TRIOBP: variants seen among roughly 807,000 people sequenced by gnomAD.
The protein encoded by TRIOBP is TRIO and F-actin-binding protein.
In TRIOBP, 169 loss-of-function variants were observed where a neutral mutation model predicts 238.8. The observed-to-expected ratio is 0.71, with a 90% CI of 0.62 to 0.80. The LOEUF is 0.80. Among genes scored for constraint, TRIOBP ranks in the 30% least tolerant of loss-of-function variants. The pLI is 0.00. For missense variants in TRIOBP, 2,838 were observed against 3,122.6 expected, an observed-to-expected ratio of 0.91 and a Z score of 2.17; for synonymous variants, 1,150 against 1,274.4, an observed-to-expected ratio of 0.90 and a Z score of 2.08.
chr22:37,772,580 T>G (rs755440115), intron 22 of TRIOBP, 21 bp from the exon 23 acceptor site: 2 of 1,613,864 alleles, frequency 1.2e-6, no homozygotes, highest in East Asian at 4.5e-5. Context: ...CATGCCCTCA[T>G]ACCTGCCTCC....
At chr22:37,768,979 G>T (rs1357629367) in intron 19 of TRIOBP, 49 bp from the exon 20 acceptor site, 2 of 1,612,004 alleles carry the variant, frequency 1.2e-6, no homozygotes, top group Non-Finnish European at 1.7e-6. Context: ...CTCCAGGCTT[G>T]GCAGGAGCAA....
chr22:37,739,300 G>A (rs1924827035), intron 10 of TRIOBP, among the ~76,000 whole-genome samples: 1 of 152,208 alleles, frequency 6.6e-6, no homozygotes, highest in Non-Finnish European at 1.5e-5. Context: ...GGTGAGATCA[G>A]AGTTGAGGGC....
At chr22:37,697,942 G>A (rs903644154) in intron 2 of TRIOBP, among the ~76,000 whole-genome samples, 3 of 152,098 alleles carry the variant, frequency 2.0e-5, no homozygotes, top group African/African-American at 7.2e-5. Flanking sequence ...GCTCAAGCCT[G>A]TAATCCCAGC....
chr22:37,739,126 G>A, intron 10 of TRIOBP, among the ~76,000 whole-genome samples: 1 of 152,154 alleles, frequency 6.6e-6, no homozygotes, highest in Non-Finnish European at 1.5e-5. Context: ...CAGTCAGCCA[G>A]GCCTGGAGGG....
chr22:37,724,387 T>A lies in TRIOBP; in HGVS notation c.1831T>A (p.Ser611Thr), dbSNP rs1202731761. The change falls in exon 7 of 24, where the codon TCC becomes ACC. Residue 611 changes from serine (S) to threonine (T), a missense_variant. Physicochemically the swap from Ser to Thr is moderately conservative, Grantham distance 58 (BLOSUM62 1). Transcript: ENST00000644935. ...SCAQRDNPRA[S>T]RTSSPNRATR... ...TGCCCAGCGGGACAATCCCAGAGCC[T>A]CCAGAACCTCCTCTCCCAATAGAGC... 4 of 1,474,896 alleles carry A rather than the reference T, an allele frequency of 2.7e-6. No homozygotes were observed. Among genetic ancestry groups the A allele is most frequent in the Non-Finnish European group, 3.6e-6 (4 of 1,107,832 alleles). The allele number at this position is 1,474,896 out of a possible 1,614,324, so 91.4% of individuals were successfully genotyped here.
chr22:37,722,198 A>G (rs1336343642), intron 6 of TRIOBP, among the ~76,000 whole-genome samples: 2 of 50,624 alleles, frequency 4.0e-5, no homozygotes, highest in Non-Finnish European at 1.6e-4. Flanking sequence ...GAACATTTGG[A>G]TACAAAAAAA....
At position 37,734,575 on chromosome 22, in the gene TRIOBP, G is replaced by A; in HGVS notation, c.4239G>A (p.Leu1413=). The A allele has an allele frequency of 6.3e-7, 1 of 1,584,486 alleles. No individual in the cohort carries two copies. The highest frequency in any genetic ancestry group is 8.6e-7 in the Non-Finnish European group (1 of 1,165,600). The stretch of plus-strand genomic sequence containing the variant: ...GGGAGCTGCGGACACAGAGACCTCT[G>A]GAGAGTGGCCAAGCAGGCCCAAGAC... The part of the protein sequence containing the change: ...PERELRTQRP[L]ESGQAGPRQP... The change falls in exon 9 of 24, where the codon CTG becomes CTA. Residue 1413 remains leucine, a synonymous_variant. Coordinates refer to ENST00000644935, the MANE Select transcript of TRIOBP (RefSeq NM_001039141.3).
intron 17 of TRIOBP, among the ~76,000 whole-genome samples, chr22:37,762,914 TAA>T (rs1017996759): frequency 1.5e-4 from 23 of 152,140 alleles, no homozygotes; most frequent in African/African-American, 5.3e-4. Flanking sequence ...GGACATCTGG[TAA>T]AGAGAACCTT....
rs61737839 is a variant in TRIOBP at position 37,772,696 on chromosome 22, G to T, written c.7032G>T (p.Glu2344Asp). Reference sequence around the variant, plus strand: ...AGCGGGAGATCGAGCAGCTGAAGGAGCACCTGCGTCTTGCCATGGCCGCCC... The same window carrying T: ...AGCGGGAGATCGAGCAGCTGAAGGATCACCTGCGTCTTGCCATGGCCGCCC... ...RSEREIEQLK[E>D]HLRLAMAALQ... The change falls in exon 23 of 24, where the codon GAG (glutamate) becomes GAT (aspartate). Residue 2344 changes from glutamate (E) to aspartate (D), a missense_variant. Physicochemically the swap from Glu to Asp is conservative, Grantham distance 45. Around this residue, in one of 5 missense-constraint regions of TRIOBP, gnomAD observed 2,096 missense variants for 2,137.4 expected, o/e 0.98. Transcript: ENST00000644935. 4 of 1,613,986 alleles carry T rather than the reference G, an allele frequency of 2.5e-6. No individual in the cohort carries two copies. The East Asian group carries it at 6.7e-5, about 27-fold the overall frequency.
chr22:37,735,099 T>A lies in TRIOBP; in HGVS notation c.4763T>A (p.Leu1588His). ...CTGGACTGGGAGGGCCTCTTGGAGC[T>A]CCTGCAGGCCAGGCTGCCCCGCAAG... ...PSLDWEGLLE[L>H]LQARLPRKDP... is the part of the protein sequence containing the mutation. The change falls in exon 9 of 24, where the codon CTC (leucine) becomes CAC (histidine). Residue 1588 changes from leucine to histidine, a missense_variant. Leu to His is a moderately conservative substitution (Grantham distance 99). Coordinates refer to ENST00000644935, the MANE Select transcript of TRIOBP (RefSeq NM_001039141.3). 1.2e-6 allele frequency: 2 copies of A among 1,606,886 alleles called. No homozygotes were observed. Among genetic ancestry groups the A allele is most frequent in the Admixed American group, 3.3e-5 (2 of 59,886 alleles).
At position 37,713,275 on chromosome 22, in the gene TRIOBP, G is replaced by A. The variant is rs780830062; in HGVS notation, c.320G>A (p.Arg107Gln). 2.6e-5 allele frequency: 42 copies of A among 1,613,798 alleles called. No homozygotes were observed. In the Admixed American group the frequency reaches 4.0e-4, roughly 15 times the overall value. The change falls in exon 5 of 24, where the codon CGG becomes CAG. Residue 107 changes from arginine to glutamine, a missense_variant. Physicochemically the swap from Arg to Gln is conservative, Grantham distance 43. Transcript: ENST00000644935. ...GPTAAPRSRS[R>Q]ELEAVPYLEG... ...ACAGCTGCCCCCAGGAGCAGGAGCC[G>A]GGAGCTTGAGGCAGTACCCTATCTG...
chr22:37,706,379 A>T (rs1222187712), intron 3 of TRIOBP, among the ~76,000 whole-genome samples: 2 of 152,132 alleles, frequency 1.3e-5, no homozygotes, highest in Admixed American at 6.6e-5. Flanking sequence ...GTGGAATGAG[A>T]TGAGAACAGG....
intron 7 of TRIOBP, among the ~76,000 whole-genome samples, chr22:37,728,701 CT>C (rs1411271604): frequency 1.3e-5 from 2 of 152,150 alleles, no homozygotes; most frequent in Non-Finnish European, 2.9e-5. Context: ...TCAAGGGATC[CT>C]CCTTTCTTGG....
At chr22:37,702,508 G>C (rs1336277199) in intron 3 of TRIOBP, among the ~76,000 whole-genome samples, 3 of 151,938 alleles carry the variant, frequency 2.0e-5, no homozygotes, top group African/African-American at 4.8e-5. Flanking sequence ...CTGGCCTCGA[G>C]AGTGTTTTCT....
At chr22:37,759,585 T>C (rs1926135116) in intron 17 of TRIOBP, 1 of 1,581,822 alleles carries the variant, frequency 6.3e-7, no homozygotes, top group African/African-American at 1.3e-5. Context: ...CACTCTGCAC[T>C]TGGACCCTTG....
chr22:37,716,646 T>C (rs116232452), intron 6 of TRIOBP, among the ~76,000 whole-genome samples: 1,813 of 152,338 alleles, frequency 0.012, 36 homozygotes, highest in African/African-American at 0.042. Context: ...GCCGGGCTTG[T>C]CTCAAATTCC....
At chr22:37,730,679 T>C (rs2097415) in intron 7 of TRIOBP, among the ~76,000 whole-genome samples, 145,967 of 152,200 alleles carry the variant, frequency 0.96, 70,016 homozygotes, top group East Asian at 1. Context: ...CAGTGGCTCA[T>C]GCTTGTAATG....
At chr22:37,749,589 C>T (rs1925469109) in intron 11 of TRIOBP, among the ~76,000 whole-genome samples, 2 of 151,970 alleles carry the variant, frequency 1.3e-5, no homozygotes, top group Admixed American at 6.6e-5. Context: ...GAAGGGGCAT[C>T]GTGGGAGATT....
In TRIOBP at chr22:37,738,803, C is replaced by G. The variant is rs868721345; in HGVS notation, c.5184+84C>G. ...AGATGGGCTTCATTCCTCAGAAGAG[C>G]CCTAGAATCAACCAGACCAAAGTTG... On this transcript the variant is annotated intron_variant, in intron 10 of 23. Coordinates refer to ENST00000644935, the MANE Select transcript of TRIOBP (RefSeq NM_001039141.3). 176 of 1,433,478 alleles carry G rather than the reference C, an allele frequency of 1.2e-4. No individual in the cohort carries two copies. In the Middle Eastern group the frequency reaches 5.4e-3, roughly 44 times the overall value. The allele number at this position is 1,433,478 out of a possible 1,614,324, so 88.8% of individuals were successfully genotyped here.
Sources: gnomAD v4.1 joint callset for allele counts (sites outside exome capture counted in the v4.1 genomes callset) on GRCh38, gnomAD v4.1.1 for gene constraint, gnomAD v4.1.1 regional missense constraint, MANE v1.5 for transcripts, NCBI Gene and HGNC (gene_info 2026-07-23, HGNC 2026-07-21) for gene names.